Variants in PRKAG2 observed in about 807,000 individuals in gnomAD.
The protein encoded by PRKAG2 is 5'-AMP-activated protein kinase subunit gamma-2.
A neutral mutation model predicts 69.6 loss-of-function variants in PRKAG2; 26 were observed. The observed-to-expected ratio is 0.37, with a 90% CI of 0.27 to 0.52. The LOEUF is 0.52. Ranked by LOEUF, PRKAG2 falls within the 20% of genes least tolerant of loss-of-function variation. The probability of loss-of-function intolerance (pLI) is 0.90; values close to 1 mark genes in which losing one functional copy is unlikely to be tolerated. For synonymous variants in PRKAG2, 293 were observed against 285.0 expected (o/e 1.03, Z -0.28); for missense variants, 557 against 740.0 (o/e 0.75, Z 2.87).
chr7:151,771,944 G>T lies in PRKAG2; in HGVS notation c.466+9208C>A, dbSNP rs780002520. ...AAAGCATTGAAAAACAAGTTAAGTT[G>T]TTGGTGAATTAATTTCAAACAATTT... is the stretch of plus-strand genomic sequence containing the variant. On this transcript the variant is annotated intron_variant, in intron 3 of 15. Coordinates refer to ENST00000287878, the MANE Select transcript of PRKAG2 (RefSeq NM_016203.4). The surrounding 1 kb of genome is among the most constrained non-coding windows in gnomAD (Gnocchi z 4.0). Among the ~76,000 whole-genome samples the T allele has an allele frequency of 6.6e-5, 10 of 152,214 alleles. No individual in the cohort carries two copies. The highest frequency in any genetic ancestry group is 2.6e-4 in the Admixed American group (4 of 15,288).
At chr7:151,849,115 G>A (rs564323872) in intron 1 of PRKAG2, among the ~76,000 whole-genome samples, 2 of 152,218 alleles carry the variant, frequency 1.3e-5, no homozygotes, top group African/African-American at 2.4e-5. Context: ...ATACAGGGGC[G>A]TGGTGGAGAC....
intron 1 of PRKAG2, among the ~76,000 whole-genome samples, chr7:151,856,168 C>T (rs1424586764): frequency 1.3e-5 from 2 of 152,244 alleles, no homozygotes; most frequent in Non-Finnish European, 2.9e-5. Context: ...ATTCTCATGG[C>T]CACCTGCAGG....
intron 4 of PRKAG2, among the ~76,000 whole-genome samples, chr7:151,669,966 G>GCAAA (rs1554527164): frequency 1.1e-4 from 13 of 122,538 alleles, no homozygotes; most frequent in Non-Finnish European, 1.6e-4. Context: ...TCACACACCT[G>GCAAA]CACACACCTG....
chr7:151,707,674 C>T (rs1838854254), intron 3 of PRKAG2, among the ~76,000 whole-genome samples: 2 of 152,154 alleles, frequency 1.3e-5, no homozygotes, highest in Non-Finnish European at 2.9e-5. Context: ...CAGAAGGAGT[C>T]CTGAGGGAGA....
chr7:151,573,312 A>G (rs1808090548), intron 8 of PRKAG2, among the ~76,000 whole-genome samples: 1 of 140,906 alleles, frequency 7.1e-6, no homozygotes. Flanking sequence ...GTACACCACC[A>G]TGCCTGGCTA....
At chr7:151,609,844 G>A (rs190632181) in intron 5 of PRKAG2, among the ~76,000 whole-genome samples, 3 of 152,344 alleles carry the variant, frequency 2.0e-5, no homozygotes, top group Admixed American at 2.0e-4. Context: ...AAGACCTTCT[G>A]AGAAAACAGT....
At chr7:151,670,750 G>A (rs1831891655) in intron 4 of PRKAG2, among the ~76,000 whole-genome samples, 1 of 152,170 alleles carries the variant, frequency 6.6e-6, no homozygotes, top group South Asian at 2.1e-4. Flanking sequence ...TAATCAAATG[G>A]TAAATAAAAC....
intron 3 of PRKAG2, among the ~76,000 whole-genome samples, chr7:151,776,164 A>G (rs1392983600): frequency 6.6e-6 from 1 of 152,192 alleles, no homozygotes; most frequent in Non-Finnish European, 1.5e-5. Flanking sequence ...CAAGGGCACC[A>G]ACATGAGCAA....
intron 1 of PRKAG2, among the ~76,000 whole-genome samples, chr7:151,799,512 A>G (rs907507935): frequency 1.3e-5 from 2 of 152,174 alleles, no homozygotes; most frequent in Non-Finnish European, 2.9e-5. Context: ...CGACAGCACA[A>G]AGCCCGTGCT....
chr7:151,817,102 C>T (rs998227508), intron 1 of PRKAG2, among the ~76,000 whole-genome samples: 2 of 152,158 alleles, frequency 1.3e-5, no homozygotes, highest in African/African-American at 2.4e-5. Context: ...ACTGTCTTCA[C>T]CTGCATTTCT....
intron 3 of PRKAG2, among the ~76,000 whole-genome samples, chr7:151,727,972 G>T (rs969028398): frequency 6.6e-6 from 1 of 152,178 alleles, no homozygotes. Flanking sequence ...GCCCTGGGGC[G>T]GACGCCCGGA....
intron 3 of PRKAG2, among the ~76,000 whole-genome samples, chr7:151,740,155 T>G (rs1399145431): frequency 1.3e-5 from 2 of 152,214 alleles, no homozygotes; most frequent in Non-Finnish European, 2.9e-5. Flanking sequence ...TGGAGCCGAC[T>G]GGAGGGACTA....
rs984009979 is a variant in PRKAG2, at chr7:151,807,817, C to T, written c.115-21276G>A. Among the ~76,000 whole-genome samples the T allele has an allele frequency of 6.6e-6, 1 of 152,100 alleles. No homozygotes were observed. The highest frequency in any genetic ancestry group is 2.4e-5 in the African/African-American group (1 of 41,396). On this transcript the variant is annotated intron_variant, in intron 1 of 15. Transcript: ENST00000287878. The surrounding 1 kb of genome is among the most constrained non-coding windows in gnomAD (Gnocchi z 4.4). ...AGCTACTCTCAGAAGACCCAAAAGG[C>T]ATAGGGGAGAGAAGAGATAAATCTG...
At chr7:151,794,017 T>G (rs2077377242) in intron 1 of PRKAG2, among the ~76,000 whole-genome samples, 1 of 152,172 alleles carries the variant, frequency 6.6e-6, no homozygotes, top group Non-Finnish European at 1.5e-5. Context: ...CTTCCTGATG[T>G]CAAAAGAAAC....
rs374874465 is a variant in PRKAG2, at chr7:151,570,151, GA to G, written c.1106+19del. 6.8e-4 allele frequency: 970 copies of G among 1,416,322 alleles called. No individual in the cohort carries two copies. Among genetic ancestry groups the G allele is most frequent in the African/African-American group, 1.2e-3 (79 of 68,576 alleles). The allele number at this position is 1,416,322 out of a possible 1,614,324, so 87.7% of individuals were successfully genotyped here. On this transcript the variant is annotated intron_variant, in intron 10 of 15. Transcript: ENST00000287878. ...ATACATCTGAATGAATGTTTTCAAA[GA>G]AAAAAAAAACAAGTTTACCTTGCAT...
In PRKAG2 at chr7:151,710,330, C is replaced by T. The variant is rs184389192; in HGVS notation, c.467-34693G>A. ...CCCTGTCCCCCAGCTGCCGAGGCTT[C>T]GCTCTCGCCCCCCGCCCTGAGGCAG... On this transcript the variant is annotated intron_variant, in intron 3 of 15. Coordinates refer to ENST00000287878, the MANE Select transcript of PRKAG2 (RefSeq NM_016203.4). Among the ~76,000 whole-genome samples, 69 of 152,310 alleles carry T rather than the reference C, an allele frequency of 4.5e-4. 1 individual carries two copies. Among genetic ancestry groups the T allele is most frequent in the Admixed American group, 3.7e-3 (56 of 15,310 alleles).
chr7:151,601,138 G>A (rs1033195673), intron 5 of PRKAG2, among the ~76,000 whole-genome samples: 1 of 152,094 alleles, frequency 6.6e-6, no homozygotes, highest in African/African-American at 2.4e-5. Flanking sequence ...ACCCACAGGG[G>A]GACACAATGA....
intron 6 of PRKAG2, among the ~76,000 whole-genome samples, chr7:151,588,477 T>C (rs4726055): frequency 0.21 from 31,234 of 151,874 alleles, 4,059 homozygotes; most frequent in African/African-American, 0.37. Flanking sequence ...ATTCTCCTGC[T>C]TCAGCCTCCC....
chr7:151,693,298 A>T (rs1835997400), intron 3 of PRKAG2, among the ~76,000 whole-genome samples: 2 of 152,048 alleles, frequency 1.3e-5, no homozygotes, highest in South Asian at 4.2e-4. Flanking sequence ...CCATAAGGAG[A>T]CCCAAGGCCC....
Sources: gnomAD v4.1 joint callset for allele counts (sites outside exome capture counted in the v4.1 genomes callset) on GRCh38, gnomAD v4.1.1 for gene constraint, Gnocchi (gnomAD v3.1) non-coding constraint, MANE v1.5 for transcripts, NCBI Gene and HGNC (gene_info 2026-07-23, HGNC 2026-07-21) for gene names.